Variants in PRICKLE2 observed in about 807,000 individuals in gnomAD.
PRICKLE2 encodes the protein prickle planar cell polarity protein 2.
A neutral mutation model predicts 81.4 loss-of-function variants in PRICKLE2; 21 were observed. The observed-to-expected ratio is 0.26, with a 90% CI of 0.18 to 0.37. PRICKLE2 has a LOEUF of 0.37. Among genes scored for constraint, PRICKLE2 ranks in the 10% least tolerant of loss-of-function variants. PRICKLE2 has a pLI of 1.00. For synonymous variants in PRICKLE2, 456 were observed against 421.5 expected, an observed-to-expected ratio of 1.08 and a Z score of -1.00; for missense variants, 940 against 1,109.0, an observed-to-expected ratio of 0.85 and a Z score of 2.16.
At chr3:64,100,040 T>C in intron 7 of PRICKLE2, 115 bp from the exon 8 acceptor site, 1 of 1,186,196 alleles carries the variant, frequency 8.4e-7, no homozygotes, top group Non-Finnish European at 1.2e-6. Context: ...AGTTGTGTAC[T>C]GCACAAAGGC....
At chr3:64,265,102 G>A (rs761959493) in intron 2 of PRICKLE2, among the ~76,000 whole-genome samples, 39 of 151,916 alleles carry the variant, frequency 2.6e-4, no homozygotes, top group Non-Finnish European at 4.0e-4. Context: ...TCCTTTGCTG[G>A]TCACACAGAG....
At chr3:64,248,614 C>T (rs2107177719) in intron 2 of PRICKLE2, among the ~76,000 whole-genome samples, 1 of 151,612 alleles carries the variant, frequency 6.6e-6, no homozygotes, top group Admixed American at 6.6e-5. Context: ...AAACCTTGTC[C>T]TTTCATTTGA....
intron 2 of PRICKLE2, among the ~76,000 whole-genome samples, chr3:64,266,749 G>A (rs546485781): frequency 5.9e-5 from 9 of 152,026 alleles, no homozygotes; most frequent in South Asian, 2.1e-4. Flanking sequence ...AAACATTTGC[G>A]TACAGAAAGC....
intron 2 of PRICKLE2, among the ~76,000 whole-genome samples, chr3:64,248,495 A>C (rs1383843043): frequency 6.6e-6 from 1 of 152,164 alleles, no homozygotes; most frequent in Non-Finnish European, 1.5e-5. Context: ...TAAACCAAAA[A>C]AGGTCAGCCT....
At chr3:64,105,966 CTA>C (rs2076748748) in intron 7 of PRICKLE2, 1 of 152,208 alleles carries the variant, frequency 6.6e-6, no homozygotes, top group Non-Finnish European at 1.5e-5. Context: ...TTCATCATGA[CTA>C]TGGTGCATCT....
intron 7 of PRICKLE2, chr3:64,102,594 A>G (rs1384693080): frequency 6.6e-6 from 1 of 152,372 alleles, no homozygotes; most frequent in Non-Finnish European, 1.5e-5. Context: ...TAATTATTTC[A>G]GTATATATTA....
intron 2 of PRICKLE2, among the ~76,000 whole-genome samples, chr3:64,185,868 A>G (rs1239358652): frequency 1.3e-5 from 2 of 152,254 alleles, no homozygotes; most frequent in African/African-American, 2.4e-5. Flanking sequence ...AAGCATCAAC[A>G]TAATCAAGAT....
intron 2 of PRICKLE2, among the ~76,000 whole-genome samples, chr3:64,241,991 C>G (rs2079272647): frequency 6.6e-6 from 1 of 152,160 alleles, no homozygotes; most frequent in African/African-American, 2.4e-5. Flanking sequence ...AATGAGAGAT[C>G]GTGGAGGAGA....
chr3:64,252,652 G>C (rs144168122), intron 2 of PRICKLE2, among the ~76,000 whole-genome samples: 438 of 152,316 alleles, frequency 2.9e-3, no homozygotes, highest in Non-Finnish European at 5.1e-3. Flanking sequence ...ACGCATGACG[G>C]TGGGAAGAGG....
intron 2 of PRICKLE2, among the ~76,000 whole-genome samples, chr3:64,257,086 T>C (rs1440716421): frequency 6.6e-6 from 1 of 152,150 alleles, no homozygotes; most frequent in Non-Finnish European, 1.5e-5. Flanking sequence ...CAACACATCA[T>C]AGTAATGCTT....
chr3:64,189,508 G>A (rs760720993), intron 2 of PRICKLE2, among the ~76,000 whole-genome samples: 4 of 152,126 alleles, frequency 2.6e-5, no homozygotes, highest in Non-Finnish European at 4.4e-5. Flanking sequence ...AAGCCCACAC[G>A]GGCACTAGAG....
chr3:64,167,925 T>G (rs1177090246), intron 2 of PRICKLE2, among the ~76,000 whole-genome samples: 1 of 152,168 alleles, frequency 6.6e-6, no homozygotes, highest in African/African-American at 2.4e-5. Context: ...TTTTAGAGCT[T>G]TCTACTGTTT....
At chr3:64,138,544 A>G (rs1350710434) in intron 7 of PRICKLE2, among the ~76,000 whole-genome samples, 1 of 152,250 alleles carries the variant, frequency 6.6e-6, no homozygotes, top group Non-Finnish European at 1.5e-5. Flanking sequence ...ACTCAGAGAC[A>G]GAAAGAAACC....
At chr3:64,202,093 T>C (rs577613908) in intron 1 of PRICKLE2, among the ~76,000 whole-genome samples, 1 of 152,338 alleles carries the variant, frequency 6.6e-6, no homozygotes, top group South Asian at 2.1e-4. Flanking sequence ...GTGGTCTGTA[T>C]GTCCCTCCTT....
chr3:64,146,736 C>T, intron 7 of PRICKLE2, 94 bp downstream of exon 7: 1 of 1,402,998 alleles, frequency 7.1e-7, no homozygotes, highest in African/African-American at 1.4e-5. Context: ...GAGCGAGACT[C>T]CATTTCAAAA....
chr3:64,150,204 T>C (rs2077522666), intron 6 of PRICKLE2, among the ~76,000 whole-genome samples: 1 of 152,016 alleles, frequency 6.6e-6, no homozygotes, highest in Admixed American at 6.6e-5. Context: ...CAGGTTCAAA[T>C]CCCAGCTCCA....
At chr3:64,185,974 T>G (rs2078223296) in intron 2 of PRICKLE2, among the ~76,000 whole-genome samples, 1 of 152,240 alleles carries the variant, frequency 6.6e-6, no homozygotes, top group Non-Finnish European at 1.5e-5. Context: ...ATCTGCTTTC[T>G]GTCACTACAG....
rs1442348518 is a variant in PRICKLE2 at position 64,159,933 on chromosome 3, T to C, written c.396+7A>G. On this transcript the variant is annotated splice_region_variant and intron_variant, in intron 4 of 7. Transcript: ENST00000638394. ...ATGCCTCTTCACTCCCCTGAATCCA[T>C]GCTTACCTGTTCACAAATAGCTCCT... is the stretch of plus-strand genomic sequence containing the variant. The C allele has an allele frequency of 3.1e-6, 5 of 1,613,992 alleles. No individual in the cohort carries two copies. The highest frequency in any genetic ancestry group is 1.1e-5 in the South Asian group (1 of 91,078).
intron 7 of PRICKLE2, among the ~76,000 whole-genome samples, chr3:64,108,820 C>G (rs1471452530): frequency 3.9e-5 from 6 of 152,150 alleles, no homozygotes; most frequent in Non-Finnish European, 1.5e-5. Context: ...TTCAGGGTTT[C>G]CCAACCTCAG....
Sources: allele counts gnomAD v4.1 joint callset (sites outside exome capture counted in the v4.1 genomes callset), GRCh38; gene constraint gnomAD v4.1.1; transcripts MANE v1.5; gene names NCBI Gene and HGNC (gene_info 2026-07-23, HGNC 2026-07-21).